CAMK4: variants seen among roughly 807,000 people sequenced by gnomAD.
The protein encoded by CAMK4 is calcium/calmodulin-dependent protein kinase type IV.
CAMK4 carries 22 observed loss-of-function variants against 44.9 expected under a neutral mutation model. That is an observed-to-expected ratio of 0.49 (90% CI 0.35 to 0.70). The LOEUF (loss-of-function observed/expected upper bound fraction) is 0.70, where lower values mean the gene tolerates loss of function less well. Among genes scored for constraint, CAMK4 ranks in the 30% least tolerant of loss-of-function variants. The pLI, the probability that CAMK4 is intolerant of heterozygous loss-of-function variation, is 0.01. For synonymous variants in CAMK4, 218 were observed against 215.4 expected (o/e 1.01, Z -0.11); for missense variants, 498 against 586.8 (o/e 0.85, Z 1.56).
intron 1 of CAMK4, among the ~76,000 whole-genome samples, chr5:111,308,723 C>T (rs571334870): frequency 6.6e-6 from 1 of 152,092 alleles, no homozygotes; most frequent in South Asian, 2.1e-4. Context: ...TTATGGAAAA[C>T]AATAGCTTAT....
chr5:111,314,353 C>CTG (rs1561404610), intron 1 of CAMK4, among the ~76,000 whole-genome samples: 1 of 151,978 alleles, frequency 6.6e-6, no homozygotes, highest in East Asian at 1.9e-4. Flanking sequence ...AATACAGTTC[C>CTG]AACATTTTTG....
At chr5:111,310,271 G>A (rs1355373697) in intron 1 of CAMK4, among the ~76,000 whole-genome samples, 2 of 152,130 alleles carry the variant, frequency 1.3e-5, no homozygotes, top group Non-Finnish European at 2.9e-5. Context: ...CATCCAATGT[G>A]TTTAGTAGCT....
chr5:111,449,523 T>C (rs1463198315), intron 7 of CAMK4: 3 of 179,616 alleles, frequency 1.7e-5, no homozygotes, highest in East Asian at 1.4e-4. Context: ...ATTAAATCCA[T>C]GGGCCCTTTG....
intron 4 of CAMK4, among the ~76,000 whole-genome samples, chr5:111,377,360 T>G (rs1478349593): frequency 6.6e-6 from 1 of 152,116 alleles, no homozygotes; most frequent in Non-Finnish European, 1.5e-5. Flanking sequence ...AACTCAATAA[T>G]CTTCAAATGA....
intron 1 of CAMK4, among the ~76,000 whole-genome samples, chr5:111,262,905 C>G (rs2112565174): frequency 6.6e-6 from 1 of 152,320 alleles, no homozygotes; most frequent in South Asian, 2.1e-4. Context: ...ATCACACAGA[C>G]AGATACTTTG....
chr5:111,311,026 T>C (rs1748180969), intron 1 of CAMK4, among the ~76,000 whole-genome samples: 1 of 152,062 alleles, frequency 6.6e-6, no homozygotes, highest in Non-Finnish European at 1.5e-5. Context: ...AAAATAAGCT[T>C]CTTAACTAGT....
intron 5 of CAMK4, among the ~76,000 whole-genome samples, chr5:111,413,046 TAAC>T (rs887971407): frequency 1.3e-5 from 2 of 152,182 alleles, no homozygotes; most frequent in Non-Finnish European, 2.9e-5. Flanking sequence ...AGTTGCTGTC[TAAC>T]ATCATGGGCT....
At chr5:111,279,815 G>A (rs1003117442) in intron 1 of CAMK4, among the ~76,000 whole-genome samples, 1 of 152,042 alleles carries the variant, frequency 6.6e-6, no homozygotes, top group African/African-American at 2.4e-5. Context: ...ATTTATCCTT[G>A]TGTCCTTTGT....
intron 7 of CAMK4, among the ~76,000 whole-genome samples, chr5:111,459,686 C>CTTTTTTTT (rs56176713): frequency 1.2e-5 from 1 of 86,690 alleles, no homozygotes; most frequent in African/African-American, 5.0e-5. Flanking sequence ...TAGAGACAGT[C>CTTTTTTTT]TTTTTTTTTT....
chr5:111,459,000 T>G (rs1164303637), intron 7 of CAMK4, among the ~76,000 whole-genome samples: 1 of 152,182 alleles, frequency 6.6e-6, no homozygotes, highest in Non-Finnish European at 1.5e-5. Context: ...TTTCTACATG[T>G]CTGTTAGATA....
intron 8 of CAMK4, among the ~76,000 whole-genome samples, chr5:111,476,271 TTG>T (rs59191685): frequency 1.0e-3 from 132 of 127,380 alleles, no homozygotes; most frequent in African/African-American, 3.4e-3. Context: ...GTGTGTGTGT[TTG>T]TGTGTGTGTG....
intron 1 of CAMK4, among the ~76,000 whole-genome samples, chr5:111,247,173 A>ATATG (rs561125492): frequency 2.0e-5 from 3 of 151,700 alleles, no homozygotes; most frequent in South Asian, 2.1e-4. Flanking sequence ...TATGTATAGT[A>ATATG]TATGTATGTA....
intron 1 of CAMK4, among the ~76,000 whole-genome samples, chr5:111,246,754 C>G (rs1020547473): frequency 3.9e-5 from 6 of 152,152 alleles, no homozygotes; most frequent in Non-Finnish European, 8.8e-5. Flanking sequence ...ACCACCACAC[C>G]TAAACAAACC....
chr5:111,438,763 G>A (rs1418964429), intron 5 of CAMK4, among the ~76,000 whole-genome samples: 1 of 152,004 alleles, frequency 6.6e-6, no homozygotes, highest in Non-Finnish European at 1.5e-5. Context: ...ATGTTTATTG[G>A]GCATCTACTG....
chr5:111,450,833 G>A (rs538272516), intron 7 of CAMK4, among the ~76,000 whole-genome samples: 2 of 151,518 alleles, frequency 1.3e-5, no homozygotes, highest in East Asian at 3.9e-4. Context: ...AGAAATTATA[G>A]CGTCTTAAGA....
At chr5:111,450,958 A>G (rs1007018714) in intron 7 of CAMK4, among the ~76,000 whole-genome samples, 45 of 152,164 alleles carry the variant, frequency 3.0e-4, no homozygotes, top group Admixed American at 2.2e-3. Flanking sequence ...CCTGCCCCAG[A>G]AATAGACAAA....
At chr5:111,252,929 C>T (rs531559310) in intron 1 of CAMK4, among the ~76,000 whole-genome samples, 66 of 152,280 alleles carry the variant, frequency 4.3e-4, no homozygotes, top group Non-Finnish European at 8.7e-4. Flanking sequence ...GCAAGTGATG[C>T]TACTTCTATT....
chr5:111,267,727 AAGAATC>A (rs1435221249), intron 1 of CAMK4, among the ~76,000 whole-genome samples: 10 of 149,120 alleles, frequency 6.7e-5, no homozygotes, highest in African/African-American at 2.5e-4. Flanking sequence ...AAAAAAAAAA[AAGAATC>A]TTCATTCTGA....
At chr5:111,369,047 T>G (rs1017958751) in intron 2 of CAMK4, among the ~76,000 whole-genome samples, 3 of 149,216 alleles carry the variant, frequency 2.0e-5, no homozygotes, top group African/African-American at 7.3e-5. Flanking sequence ...CACAAAATAA[T>G]AATAATATAA....
Sources: gnomAD v4.1 joint callset for allele counts (sites outside exome capture counted in the v4.1 genomes callset) on GRCh38, gnomAD v4.1.1 for gene constraint, MANE v1.5 for transcripts, NCBI Gene and HGNC (gene_info 2026-07-23, HGNC 2026-07-21) for gene names.